KIF5B: variants seen among roughly 807,000 people sequenced by gnomAD.
KIF5B encodes kinesin-1 heavy chain.
In KIF5B, 49 loss-of-function variants were observed where a neutral mutation model predicts 132.8. The observed-to-expected ratio is 0.37, with a 90% CI of 0.29 to 0.47. KIF5B has a LOEUF of 0.47. Ranked by LOEUF, KIF5B falls within the 20% of genes least tolerant of loss-of-function variation. The pLI is 1.00. For synonymous variants in KIF5B, 355 were observed against 369.4 expected (o/e 0.96, Z 0.45); for missense variants, 780 against 1,144.0 (o/e 0.68, Z 4.59).
In KIF5B at chr10:32,021,002, T is replaced by C; in HGVS notation, c.2204+20A>G. On this transcript the variant is annotated intron_variant, in intron 19 of 25. Coordinates refer to ENST00000302418, the MANE Select transcript of KIF5B (RefSeq NM_004521.3). ...CAGTAACCGATTCTTTCCTCCTAAC[T>C]AGAGAAGTATAATACTTACTCTTGA... 7.4e-7 allele frequency: 1 copy of C among 1,342,744 alleles called. No homozygotes were observed. The highest frequency in any genetic ancestry group is 1.1e-6 in the Non-Finnish European group (1 of 935,852). 83.2% of individuals were successfully genotyped at this position (1,342,744 alleles called of 1,614,324 possible).
In KIF5B at chr10:32,018,033, A is replaced by G. The variant is rs767623337; in HGVS notation, c.2544+19T>C. On this transcript the variant is annotated intron_variant, in intron 23 of 25. Coordinates refer to ENST00000302418, the MANE Select transcript of KIF5B (RefSeq NM_004521.3). Reference sequence around the variant, plus strand: ...ATTTTTACTATCTTGCAGCTACCAGAAAATATACTCTTTAGTACCTGTTTG... The same window carrying G: ...ATTTTTACTATCTTGCAGCTACCAGGAAATATACTCTTTAGTACCTGTTTG... The G allele has an allele frequency of 1.4e-6, 2 of 1,387,578 alleles. No homozygotes were observed. The highest frequency in any genetic ancestry group is 2.6e-5 in the South Asian group (2 of 76,456). 86.0% of individuals were successfully genotyped at this position (1,387,578 alleles called of 1,614,324 possible).
intron 15 of KIF5B, among the ~76,000 whole-genome samples, chr10:32,023,803 G>A (rs964832128): frequency 9.2e-5 from 14 of 152,098 alleles, no homozygotes; most frequent in Non-Finnish European, 2.1e-4. Flanking sequence ...ACATCCAGAT[G>A]TGAAACAATG....
intron 8 of KIF5B, 85 bp from the exon 9 acceptor site, chr10:32,036,079 A>G (rs1185924034): frequency 2.2e-5 from 18 of 817,808 alleles, no homozygotes; most frequent in Non-Finnish European, 3.2e-5. Context: ...TATGTCATCA[A>G]TAACCAGTAA....
At position 32,017,896 on chromosome 10, in the gene KIF5B, TAA is replaced by T. The variant is rs1482216700; in HGVS notation, c.2544+154_2544+155del. On this transcript the variant is annotated intron_variant, in intron 23 of 25. Transcript: ENST00000302418. ...ACGTTGTTAAAAATATTAACTCCTC[TAA>T]AAGTTACTTATGGTTTCTTTATATA... Among the ~76,000 whole-genome samples the T allele has an allele frequency of 2.6e-5, 4 of 152,348 alleles. No individual in the cohort carries two copies. The East Asian group carries it at 7.7e-4, about 29-fold the overall frequency.
At chr10:32,045,551 A>G (rs1841597649) in intron 2 of KIF5B, among the ~76,000 whole-genome samples, 1 of 152,232 alleles carries the variant, frequency 6.6e-6, no homozygotes, top group South Asian at 2.1e-4. Flanking sequence ...CGTTCCAGGG[A>G]TAAAAATCTC....
At chr10:32,052,018 G>A (rs768054321) in intron 1 of KIF5B, among the ~76,000 whole-genome samples, 2 of 152,084 alleles carry the variant, frequency 1.3e-5, no homozygotes, top group East Asian at 1.9e-4. Context: ...ATGCATTCAC[G>A]TCTGATTGAT....
chr10:32,028,402 C>T (rs759554847), intron 15 of KIF5B, 26 bp downstream of exon 15: 1 of 1,576,824 alleles, frequency 6.3e-7, no homozygotes, highest in Non-Finnish European at 8.7e-7. Context: ...AGATAATTGT[C>T]CTTAATACTT....
Position 32,017,418 on chromosome 10 carries a change from T to C in KIF5B, c.2545-59A>G, listed in dbSNP as rs981243791. On this transcript the variant is annotated intron_variant, in intron 23 of 25. Transcript: ENST00000302418. ...TTTAACAGGATGACTTGAAAAAGTA[T>C]GAGCATTTCATAATTGCTCTTTAGA... is the stretch of plus-strand genomic sequence containing the variant. The C allele has an allele frequency of 5.3e-6, 7 of 1,317,486 alleles. No homozygotes were observed. In the Admixed American group the frequency reaches 8.0e-5, roughly 15 times the overall value. The allele number at this position is 1,317,486 out of a possible 1,614,324, so 81.6% of individuals were successfully genotyped here. A position where few individuals can be genotyped will look rare whatever the true frequency, so the allele number is the denominator to read the frequency against.
intron 1 of KIF5B, among the ~76,000 whole-genome samples, chr10:32,054,668 A>G (rs1841731112): frequency 6.6e-6 from 1 of 152,248 alleles, no homozygotes; most frequent in South Asian, 2.1e-4. Context: ...AAAATTTCAT[A>G]CCATGGTAAC....
chr10:32,051,408 G>A (rs1166173257), intron 1 of KIF5B, among the ~76,000 whole-genome samples: 11 of 152,092 alleles, frequency 7.2e-5, no homozygotes, highest in African/African-American at 2.7e-4. Flanking sequence ...TTTACCAAGA[G>A]ATATGCCAGA....
chr10:32,030,509 T>G (rs1424253539), intron 14 of KIF5B, among the ~76,000 whole-genome samples: 1 of 146,210 alleles, frequency 6.8e-6, no homozygotes, highest in Non-Finnish European at 1.5e-5. Flanking sequence ...GAGTGAAACT[T>G]TGTCTCAAAA....
At chr10:32,012,331 C>T (rs1302621647) in intron 25 of KIF5B, among the ~76,000 whole-genome samples, 6 of 152,084 alleles carry the variant, frequency 3.9e-5, no homozygotes, top group Admixed American at 6.6e-5. Flanking sequence ...AAACCTTAGG[C>T]GGGCGTGGTA....
intron 20 of KIF5B, among the ~76,000 whole-genome samples, chr10:32,018,896 A>T (rs1841219456): frequency 6.6e-6 from 1 of 152,060 alleles, no homozygotes. Flanking sequence ...GGGTCTCACT[A>T]TATTGCCTAG....
chr10:32,025,009 G>A (rs1841316202), intron 15 of KIF5B, among the ~76,000 whole-genome samples: 1 of 152,098 alleles, frequency 6.6e-6, no homozygotes, highest in South Asian at 2.1e-4. Context: ...CCCAGGAGGC[G>A]GAGGTTATGG....
intron 14 of KIF5B, 41 bp from the exon 15 acceptor site, chr10:32,028,612 C>T (rs1385241007): frequency 1.3e-6 from 2 of 1,542,486 alleles, no homozygotes; most frequent in Non-Finnish European, 1.8e-6. Flanking sequence ...AAATCTACTA[C>T]ATGAAAATTC....
At chr10:32,038,539 G>C (rs1014926916) in intron 5 of KIF5B, among the ~76,000 whole-genome samples, 4 of 152,142 alleles carry the variant, frequency 2.6e-5, no homozygotes, top group African/African-American at 9.7e-5. Context: ...TCAGGGCTCA[G>C]ATTATGTAAC....
At chr10:32,024,405 C>T (rs1175662405) in intron 15 of KIF5B, among the ~76,000 whole-genome samples, 2 of 148,424 alleles carry the variant, frequency 1.3e-5, no homozygotes, top group Non-Finnish European at 3.0e-5. Flanking sequence ...CCGCCCGCCT[C>T]GGCCTCCCAA....
In KIF5B at chr10:32,023,016, C is replaced by A. The variant is rs778648656; in HGVS notation, c.1746G>T (p.Met582Ile). 6.9e-6 allele frequency: 11 copies of A among 1,586,528 alleles called. No homozygotes were observed. In the South Asian group the frequency reaches 1.2e-4, roughly 17 times the overall value. Residue 582 changes from methionine (M) to isoleucine (I), a missense_variant, in exon 16 of 26, where the codon ATG becomes ATT. Transcript: ENST00000302418. ...TTGCAACAGTGAACTCTTCATCTAT[C>A]ATGCCAGTTCCCTCAGGCTGCTGTA... is the stretch of plus-strand genomic sequence containing the variant. ...NDVKQPEGTG[M>I]IDEEFTVARL...
At chr10:32,028,823 A>G (rs1441124568) in intron 14 of KIF5B, among the ~76,000 whole-genome samples, 1 of 152,212 alleles carries the variant, frequency 6.6e-6, no homozygotes, top group African/African-American at 2.4e-5. Flanking sequence ...TTATTTCACT[A>G]AATTCCTGGG....
Sources: allele counts gnomAD v4.1 joint callset (sites outside exome capture counted in the v4.1 genomes callset), GRCh38; gene constraint gnomAD v4.1.1; transcripts MANE v1.5; gene names NCBI Gene and HGNC (gene_info 2026-07-23, HGNC 2026-07-21).